The following TMEM156 variants were observed in gnomAD, a reference collection of about 807,000 sequenced individuals.
The protein encoded by TMEM156 is transmembrane protein 156.
Under a neutral mutation model 30.5 loss-of-function variants are expected in TMEM156, and 28 were observed. The observed-to-expected ratio is 0.92, with a 90% CI of 0.68 to 1.26. TMEM156 has a LOEUF of 1.26. TMEM156 is among the 50% of genes most tolerant of loss of function. The pLI is 0.00. For missense variants in TMEM156, 351 were observed against 340.6 expected (o/e 1.03, Z -0.24); for synonymous variants, 137 against 119.9 (o/e 1.14, Z -0.93).
In TMEM156 at chr4:39,032,319, T is replaced by TTCACATGACACAAATGTGTTC; in HGVS notation, c.-27_-7dup. The stretch of plus-strand genomic sequence containing the variant: ...AGGAGGGCTGTTTTTGTCATGTCTC[T>TTCACATGACACAAATGTGTTC]TCACATGACACAAATGTGTTCCCTT... On this transcript the variant is annotated 5_prime_UTR_variant, in exon 1 of 7. The change creates a new upstream start codon in the 5' untranslated region. Coordinates refer to ENST00000381938, the MANE Select transcript of TMEM156 (RefSeq NM_024943.3). 6.4e-7 allele frequency: 1 copy of TTCACATGACACAAATGTGTTC among 1,566,384 alleles called. No homozygotes were observed. The highest frequency in any genetic ancestry group is 8.8e-7 in the Non-Finnish European group (1 of 1,140,054).
rs776543290 is a variant in TMEM156, at chr4:38,993,923, A to G, written c.434T>C (p.Val145Ala). The G allele has an allele frequency of 1.9e-6, 3 of 1,614,002 alleles. No individual in the cohort carries two copies. Among genetic ancestry groups the G allele is most frequent in the Admixed American group, 1.7e-5 (1 of 59,998 alleles). ...HSPCQHFNFS[V>A]APLVDHLEEY... Reference sequence around the variant, plus strand: ...CTCCAAGTGGTCAACCAGAGGAGCTACACTGAAGTTAAAGTGCTGACAAGG... The same window carrying G: ...CTCCAAGTGGTCAACCAGAGGAGCTGCACTGAAGTTAAAGTGCTGACAAGG... Residue 145 changes from valine to alanine, a missense_variant, in exon 3 of 7, where the codon GTA becomes GCA. Coordinates refer to ENST00000381938, the MANE Select transcript of TMEM156 (RefSeq NM_024943.3).
intron 4 of TMEM156, among the ~76,000 whole-genome samples, chr4:38,986,786 C>T (rs77514476): frequency 0.13 from 14,693 of 114,888 alleles, 1,012 homozygotes; most frequent in East Asian, 0.23. Context: ...CCAGCCTGGA[C>T]GAAAGAGTGA....
chr4:39,021,442 A>G (rs1714862161), intron 1 of TMEM156, among the ~76,000 whole-genome samples: 1 of 152,058 alleles, frequency 6.6e-6, no homozygotes, highest in Non-Finnish European at 1.5e-5. Context: ...AAAATGAAAA[A>G]AGAAAAAAGT....
intron 1 of TMEM156, among the ~76,000 whole-genome samples, chr4:38,999,110 A>ATTTT (rs34889728): frequency 5.9e-4 from 63 of 106,092 alleles, no homozygotes; most frequent in Non-Finnish European, 9.7e-4. Context: ...TTATTTATTT[A>ATTTT]TTTTTTTTTT....
intron 1 of TMEM156, among the ~76,000 whole-genome samples, chr4:39,016,138 G>C (rs1714467160): frequency 6.6e-6 from 1 of 152,118 alleles, no homozygotes; most frequent in Non-Finnish European, 1.5e-5. Context: ...ACTTTGGGAG[G>C]CCAAGGCAGG....
chr4:38,969,448 GCAC>G (rs140003887), intron 6 of TMEM156, among the ~76,000 whole-genome samples: 2,504 of 152,298 alleles, frequency 0.016, 27 homozygotes, highest in East Asian at 0.061. Flanking sequence ...TTGTATATAT[GCAC>G]CACATTTGTT....
intron 3 of TMEM156, among the ~76,000 whole-genome samples, chr4:38,992,774 CTT>C (rs1712625220): frequency 8.8e-6 from 1 of 113,684 alleles, no homozygotes; most frequent in South Asian, 2.6e-4. Context: ...TTTTTTTTGT[CTT>C]TTCAAGACAG....
rs115060423 is a variant in TMEM156 at position 38,997,086 on chromosome 4, G to C, written c.358+1554C>G. Among the ~76,000 whole-genome samples the C allele has an allele frequency of 6.3e-3, 958 of 152,278 alleles. 6 individuals are homozygous for C. The highest frequency in any genetic ancestry group is 0.022 in the African/African-American group (901 of 41,558). ...CTTTATTACAGAGCCACAGCAACTG[G>C]GACAATGTGTCAATGTGCTGTTTTC... On this transcript the variant is annotated intron_variant, in intron 2 of 6. Transcript: ENST00000381938.
At chr4:38,978,094 C>T (rs1427570804) in intron 5 of TMEM156, among the ~76,000 whole-genome samples, 6 of 152,188 alleles carry the variant, frequency 3.9e-5, no homozygotes. Context: ...ATGTCAAAGA[C>T]AAGGTCCATC....
chr4:38,993,886 A>G lies in TMEM156; in HGVS notation c.471T>C (p.Thr157=), dbSNP rs1333737230. The part of the protein sequence containing the change: ...PLVDHLEEYN[T]TCHLKNHTGR... ...CAGTGTGGTTTTTTAGATGACAGGT[A>G]GTGTTATATTCCTCCAAGTGGTCAA... Residue 157 remains threonine (T), a synonymous_variant, in exon 3 of 7, where the codon ACT becomes ACC. Coordinates refer to ENST00000381938, the MANE Select transcript of TMEM156 (RefSeq NM_024943.3). 1 of 1,614,114 alleles carries G rather than the reference A, an allele frequency of 6.2e-7. No homozygotes were observed. Among genetic ancestry groups the G allele is most frequent in the East Asian group, 2.2e-5 (1 of 44,856 alleles).
intron 1 of TMEM156, among the ~76,000 whole-genome samples, chr4:39,007,329 G>T (rs1713808595): frequency 6.6e-6 from 1 of 152,156 alleles, no homozygotes; most frequent in Non-Finnish European, 1.5e-5. Context: ...GAAGTACCCG[G>T]TGGTACTTTT....
intron 3 of TMEM156, among the ~76,000 whole-genome samples, chr4:38,990,830 G>GTTTTTTTTTTTTTTTTTTTTTTTTTTTT (rs71304784): frequency 2.5e-5 from 2 of 81,228 alleles, no homozygotes; most frequent in Non-Finnish European, 4.8e-5. Flanking sequence ...TTGTTTTCTG[G>GTTTTTTTTTTTTTTTTTTTTTTTTTTTT]TTTTTTTTTT....
At chr4:38,983,937 G>A (rs562458287) in intron 5 of TMEM156, among the ~76,000 whole-genome samples, 20 of 152,274 alleles carry the variant, frequency 1.3e-4, no homozygotes, top group African/African-American at 4.1e-4. Flanking sequence ...GAGGGTTTGC[G>A]AGATTTAATA....
At chr4:38,970,945 T>C (rs921116624) in intron 6 of TMEM156, 87 bp downstream of exon 6, 1 of 808,642 alleles carries the variant, frequency 1.2e-6, no homozygotes, top group African/African-American at 1.7e-5. Flanking sequence ...TCCTACCAGA[T>C]AGAAATGGAG....
intron 1 of TMEM156, among the ~76,000 whole-genome samples, chr4:39,004,542 G>A (rs1370252897): frequency 1.3e-5 from 2 of 151,958 alleles, no homozygotes; most frequent in East Asian, 3.8e-4. Flanking sequence ...CTATAGCATA[G>A]TTTAGAAATA....
intron 1 of TMEM156, among the ~76,000 whole-genome samples, chr4:39,013,128 G>A (rs930559694): frequency 2.0e-5 from 3 of 150,508 alleles, no homozygotes; most frequent in African/African-American, 7.3e-5. Flanking sequence ...GTGAGACCTC[G>A]TCTCTATAAA....
chr4:38,992,567 G>T (rs4974979), intron 3 of TMEM156, among the ~76,000 whole-genome samples: 65,720 of 149,052 alleles, frequency 0.44, 15,040 homozygotes, highest in East Asian at 0.67. Flanking sequence ...CAGCATTACA[G>T]CAAACTCCCA....
intron 4 of TMEM156, 117 bp from the exon 5 acceptor site, chr4:38,986,536 C>T (rs1364396476): frequency 2.7e-5 from 20 of 728,344 alleles, no homozygotes; most frequent in Admixed American, 2.2e-4. Context: ...TGGCCAGGCA[C>T]GGTGGTTCAC....
intron 1 of TMEM156, among the ~76,000 whole-genome samples, chr4:39,015,893 C>T (rs1714447945): frequency 6.6e-6 from 1 of 152,120 alleles, no homozygotes; most frequent in Non-Finnish European, 1.5e-5. Context: ...TCTTTGCCTG[C>T]CACCAAGTAC....
Sources: gnomAD v4.1 joint callset for allele counts (sites outside exome capture counted in the v4.1 genomes callset) on GRCh38, gnomAD v4.1.1 for gene constraint, MANE v1.5 for transcripts, NCBI Gene and HGNC (gene_info 2026-07-23, HGNC 2026-07-21) for gene names.